SMARCA4: variants seen among roughly 807,000 people sequenced by gnomAD.
The protein encoded by SMARCA4 is SWI/SNF-related matrix-associated actin-dependent regulator of chromatin subfamily A member 4.
SMARCA4 carries 31 observed loss-of-function variants against 193.9 expected under a neutral mutation model. The ratio of observed to expected loss-of-function variants is 0.16; its 90% CI spans 0.12 to 0.22. The LOEUF is 0.22. Ranked by LOEUF, SMARCA4 falls within the 10% of genes least tolerant of loss-of-function variation. SMARCA4 has a pLI of 1.00. For missense variants in SMARCA4, 1,148 were observed against 2,296.0 expected, an observed-to-expected ratio of 0.50 and a Z score of 10.22; for synonymous variants, 942 against 933.1, an observed-to-expected ratio of 1.01 and a Z score of -0.17.
chr19:11,037,552 G>A (rs1255160740), intron 29 of SMARCA4, among the ~76,000 whole-genome samples: 1 of 152,172 alleles, frequency 6.6e-6, no homozygotes, highest in African/African-American at 2.4e-5. Context: ...TGCCTTATCA[G>A]ATATCATTTG....
At chr19:11,024,512 C>A in intron 21 of SMARCA4, 74 bp downstream of exon 21, 1 of 926,666 alleles carries the variant, frequency 1.1e-6, no homozygotes, top group Non-Finnish European at 1.8e-6. Context: ...CAGAGCAGAG[C>A]GTGCTCTGAC....
chr19:11,016,195 A>G (rs1012278376), intron 16 of SMARCA4, among the ~76,000 whole-genome samples: 1 of 151,998 alleles, frequency 6.6e-6, no homozygotes, highest in Non-Finnish European at 1.5e-5. Context: ...CATAGCTCCC[A>G]CGAGAGTTCA....
chr19:11,018,886 TGGC>T, intron 16 of SMARCA4, 68 bp from the exon 17 acceptor site: 2 of 1,298,382 alleles, frequency 1.5e-6, no homozygotes, highest in Non-Finnish European at 2.2e-6. Flanking sequence ...TGACAGCCAG[TGGC>T]TATGGGTTTG....
In SMARCA4 at chr19:10,979,828, G is replaced by A. The variant is rs572456632; in HGVS notation, c.-31-4293G>A. 2.6e-5 allele frequency among the ~76,000 whole-genome samples: 4 copies of A among 152,272 alleles called. No individual in the cohort carries two copies. In the South Asian group the frequency reaches 6.2e-4, roughly 24 times the overall value. Reference sequence around the variant, plus strand: ...TGATAGTCAAAATAGTGGTTTCCCTGGGAGAGTGGTATTGACTGGGGGGGC... The same window carrying A: ...TGATAGTCAAAATAGTGGTTTCCCTAGGAGAGTGGTATTGACTGGGGGGGC... On this transcript the variant is annotated intron_variant, in intron 1 of 34. Coordinates refer to ENST00000344626, the MANE Select transcript of SMARCA4 (RefSeq NM_003072.5).
intron 8 of SMARCA4, 28 bp downstream of exon 8, chr19:10,991,351 C>T (rs764560320): frequency 2.6e-6 from 4 of 1,564,794 alleles, no homozygotes; most frequent in African/African-American, 2.7e-5. Context: ...CAAGGCCCTG[C>T]AGCCCGCCCA....
chr19:11,045,087 G>A (rs1392751804), intron 30 of SMARCA4, among the ~76,000 whole-genome samples: 4 of 152,326 alleles, frequency 2.6e-5, no homozygotes, highest in South Asian at 2.1e-4. Context: ...TTGGGAGGCC[G>A]AGGCGGGCGG....
At chr19:11,006,129 A>G (rs919427305) in intron 13 of SMARCA4, among the ~76,000 whole-genome samples, 2 of 152,250 alleles carry the variant, frequency 1.3e-5, no homozygotes, top group Admixed American at 1.3e-4. Flanking sequence ...ATTGCAGATC[A>G]TATTTTTAAA....
chr19:11,054,108 A>G (rs1046083126), intron 30 of SMARCA4, among the ~76,000 whole-genome samples: 17 of 152,228 alleles, frequency 1.1e-4, no homozygotes, highest in African/African-American at 4.1e-4. Context: ...AATGGCTACA[A>G]GGACAAGCAC....
At chr19:10,975,372 C>T (rs999647943) in intron 1 of SMARCA4, among the ~76,000 whole-genome samples, 2 of 144,224 alleles carry the variant, frequency 1.4e-5, no homozygotes, top group African/African-American at 2.6e-5. Flanking sequence ...AGTGCAGTGG[C>T]GCGATCTTGG....
In SMARCA4 at chr19:11,019,098, C is replaced by A. The variant is rs567608517; in HGVS notation, c.2505+75C>A. The A allele has an allele frequency of 1.2e-5, 13 of 1,104,022 alleles. No individual in the cohort carries two copies. The African/African-American group carries it at 2.0e-4, about 17-fold the overall frequency. The allele number at this position is 1,104,022 out of a possible 1,614,324, so 68.4% of individuals were successfully genotyped here. ...GTGGTGGGCAGGACGTCCACACATA[C>A]CTCTGGACAGTGAACCTGAGAATGC... is the stretch of plus-strand genomic sequence containing the variant. On this transcript the variant is annotated intron_variant, in intron 17 of 34. Coordinates refer to ENST00000344626, the MANE Select transcript of SMARCA4 (RefSeq NM_003072.5). The surrounding 1 kb of genome is among the most constrained non-coding windows in gnomAD (Gnocchi z 6.1).
At chr19:10,975,688 T>C (rs1476446983) in intron 1 of SMARCA4, among the ~76,000 whole-genome samples, 5 of 152,186 alleles carry the variant, frequency 3.3e-5, no homozygotes. Flanking sequence ...ATTGAGGAGC[T>C]TCTCAAGAAA....
At chr19:10,977,647 G>C (rs148970952) in intron 1 of SMARCA4, 1 of 152,272 alleles carries the variant, frequency 6.6e-6, no homozygotes, top group African/African-American at 2.4e-5. Context: ...TCTCATTTCT[G>C]TTCAGGGAAA....
rs201758352 is a variant in SMARCA4 at position 10,984,145 on chromosome 19, C to T, written c.-7C>T. 3.3e-5 allele frequency: 53 copies of T among 1,613,678 alleles called. No individual in the cohort carries two copies. Among genetic ancestry groups the T allele is most frequent in the South Asian group, 7.7e-5 (7 of 91,072 alleles). On this transcript the variant is annotated 5_prime_UTR_variant, in exon 2 of 35. Transcript: ENST00000344626. The surrounding 1 kb of genome is among the most constrained non-coding windows in gnomAD (Gnocchi z 4.3). ...GCAGGAGGCCACTGTCTGCAGCTCC[C>T]GTGAAGATGTCCACTCCAGACCCAC...
At chr19:10,994,263 G>T (rs1040378023) in intron 8 of SMARCA4, among the ~76,000 whole-genome samples, 1 of 148,728 alleles carries the variant, frequency 6.7e-6, no homozygotes, top group East Asian at 2.0e-4. Context: ...GGCTGGTCTC[G>T]AACTCCTGAC....
intron 1 of SMARCA4, among the ~76,000 whole-genome samples, chr19:10,972,403 CTTTTTT>C (rs56098845): frequency 6.9e-6 from 1 of 145,624 alleles, no homozygotes; most frequent in Non-Finnish European, 1.5e-5. Flanking sequence ...GCCCTGAATA[CTTTTTT>C]TTTTTTTTAA....
chr19:10,989,328 G>A lies in SMARCA4; in HGVS notation c.1130G>A (p.Arg377His), dbSNP rs1555756272. 1 of 1,613,996 alleles carries A rather than the reference G, an allele frequency of 6.2e-7. No individual in the cohort carries two copies. The highest frequency in any genetic ancestry group is 8.5e-7 in the Non-Finnish European group (1 of 1,179,946). ...GTCTCTGCTCCCAGGCTGCAGGCTC[G>A]CATCGCACACCGAATTCAGGAACTT... ...LQEREYRLQA[R>H]IAHRIQELEN... The change falls in exon 7 of 35, where the codon CGC (arginine) becomes CAC (histidine). Residue 377 changes from arginine to histidine, a missense_variant. By Grantham distance (29) the Arg-to-His change is conservative. Coordinates refer to ENST00000344626, the MANE Select transcript of SMARCA4 (RefSeq NM_003072.5).
At chr19:11,012,865 G>A (rs946898774) in intron 15 of SMARCA4, 84 bp from the exon 16 acceptor site, 17 of 1,295,660 alleles carry the variant, frequency 1.3e-5, no homozygotes, top group African/African-American at 1.2e-4. Flanking sequence ...CGTGGCTGGC[G>A]GTGTCTTGAC....
intron 34 of SMARCA4, among the ~76,000 whole-genome samples, chr19:11,061,204 A>AAT (rs55894159): frequency 0.011 from 510 of 45,154 alleles, 6 homozygotes; most frequent in African/African-American, 0.027. Flanking sequence ...AAAAAAAAAA[A>AAT]ATATATATAT....
At chr19:11,021,433 T>C (rs1378529485) in intron 18 of SMARCA4, 4 of 522,192 alleles carry the variant, frequency 7.7e-6, no homozygotes, top group Non-Finnish European at 1.5e-5. Context: ...TGTAGATTCA[T>C]ATGTGTGATT....
Sources: gnomAD v4.1 joint callset for allele counts (sites outside exome capture counted in the v4.1 genomes callset) on GRCh38, gnomAD v4.1.1 for gene constraint, Gnocchi (gnomAD v3.1) non-coding constraint, MANE v1.5 for transcripts, NCBI Gene and HGNC (gene_info 2026-07-23, HGNC 2026-07-21) for gene names.